The following AGAP1 variants were observed in gnomAD, a reference collection of about 807,000 sequenced individuals.
AGAP1 encodes the protein ArfGAP with GTPase domain, ankyrin repeat and PH domain 1, also known as arf-GAP with GTPase, ANK repeat and PH domain-containing protein 1.
AGAP1 carries 29 observed loss-of-function variants against 105.3 expected under a neutral mutation model. The observed-to-expected ratio is 0.28, with a 90% confidence interval of 0.21 to 0.38. AGAP1 has a LOEUF of 0.38. Among genes scored for constraint, AGAP1 ranks in the 10% least tolerant of loss-of-function variants. The pLI, the probability that AGAP1 is intolerant of heterozygous loss-of-function variation, is 1.00. For synonymous variants in AGAP1, 509 were observed against 485.9 expected, an observed-to-expected ratio of 1.05 and a Z score of -0.63; for missense variants, 998 against 1,165.1, an observed-to-expected ratio of 0.86 and a Z score of 2.09.
rs541306826 is a variant in AGAP1 at position 235,756,718 on chromosome 2, G to A, written c.673+6230G>A. 2.0e-5 allele frequency among the ~76,000 whole-genome samples: 3 copies of A among 152,266 alleles called. No homozygotes were observed. The South Asian group carries it at 6.2e-4, about 32-fold the overall frequency. ...TACTCCCCGAGCTCCGCCTCCTGTC[G>A]GATCAGCAGCAGCCTTAGATTCTCC... On this transcript the variant is annotated intron_variant, in intron 6 of 17. Transcript: ENST00000304032.
In AGAP1 at chr2:236,089,991, G is replaced by T. The variant is rs1351510662; in HGVS notation, c.2115-30201G>T. 6.6e-6 allele frequency among the ~76,000 whole-genome samples: 1 copy of T among 152,070 alleles called. No individual in the cohort carries two copies. Among genetic ancestry groups the T allele is most frequent in the African/African-American group, 2.4e-5 (1 of 41,394 alleles). On this transcript the variant is annotated intron_variant, in intron 16 of 17. Transcript: ENST00000304032. The surrounding 1 kb of genome is among the most constrained non-coding windows in gnomAD (Gnocchi z 5.6). Reference sequence around the variant, plus strand: ...CCTATTATAAATCAACCTTATGCCTGTACAGCAGCTCCCTGGCTGCAAATG... The same window carrying T: ...CCTATTATAAATCAACCTTATGCCTTTACAGCAGCTCCCTGGCTGCAAATG...
chr2:235,807,561 C>G (rs1017784566), intron 9 of AGAP1, among the ~76,000 whole-genome samples: 8 of 152,242 alleles, frequency 5.3e-5, no homozygotes, highest in African/African-American at 1.9e-4. Flanking sequence ...GGCTGCCCGC[C>G]TGCATATGGA....
chr2:235,582,856 A>G lies in AGAP1; in HGVS notation c.163+88007A>G, dbSNP rs1944979544. Among the ~76,000 whole-genome samples the G allele has an allele frequency of 6.6e-6, 1 of 152,212 alleles. No individual in the cohort carries two copies. Among genetic ancestry groups the G allele is most frequent in the Admixed American group, 6.5e-5 (1 of 15,286 alleles). ...GTGCTTTCTAGCACTGACCGACTCC[A>G]GGAGGCAGCACTGGCAAGGATTTTG... On this transcript the variant is annotated intron_variant, in intron 1 of 17. Transcript: ENST00000304032. The surrounding 1 kb of genome is among the most constrained non-coding windows in gnomAD (Gnocchi z 4.7).
At chr2:235,638,522 A>G (rs1947086306) in intron 1 of AGAP1, among the ~76,000 whole-genome samples, 1 of 152,258 alleles carries the variant, frequency 6.6e-6, no homozygotes, top group Admixed American at 6.5e-5. Flanking sequence ...TAAGTTAAAA[A>G]CAAGTTATAA....
intron 1 of AGAP1, among the ~76,000 whole-genome samples, chr2:235,528,007 C>G (rs755826744): frequency 2.6e-5 from 4 of 152,154 alleles, no homozygotes; most frequent in African/African-American, 4.8e-5. Flanking sequence ...ATGTAAGTCG[C>G]TTCTCAGTTT....
Position 235,788,455 on chromosome 2 carries a change from C to T in AGAP1, c.674-9304C>T, listed in dbSNP as rs1180406473. On this transcript the variant is annotated intron_variant, in intron 6 of 17. Transcript: ENST00000304032. The surrounding 1 kb of genome is among the most constrained non-coding windows in gnomAD (Gnocchi z 6.0). Reference sequence around the variant, plus strand: ...AAACTGGAGAAGGCATGGATGAGAGCAATGCTGAGGGAAGGTGAGGCAGGG... The same window carrying T: ...AAACTGGAGAAGGCATGGATGAGAGTAATGCTGAGGGAAGGTGAGGCAGGG... Among the ~76,000 whole-genome samples, 2 of 150,744 alleles carry T rather than the reference C, an allele frequency of 1.3e-5. No individual in the cohort carries two copies. The highest frequency in any genetic ancestry group is 2.9e-5 in the Non-Finnish European group (2 of 67,874).
chr2:235,919,086 G>A lies in AGAP1; in HGVS notation c.1324+10180G>A, dbSNP rs1010753032. Among the ~76,000 whole-genome samples the A allele has an allele frequency of 6.6e-6, 1 of 152,148 alleles. No individual in the cohort carries two copies. ...TTTCAGCTGCTGAACTGATGCTTCC[G>A]AGACCAGCGAAGTGGTCTGCAGGGT... On this transcript the variant is annotated intron_variant, in intron 11 of 17. Transcript: ENST00000304032. The surrounding 1 kb of genome is among the most constrained non-coding windows in gnomAD (Gnocchi z 4.1).
chr2:235,573,047 T>TC lies in AGAP1; in HGVS notation c.163+78199dup, dbSNP rs1559258956. ...TTCTTCTTCTTCTTCTTCTTCTTCT[T>TC]CTTCTTCTTCTTCTTTCTTCTTTCT... On this transcript the variant is annotated intron_variant, in intron 1 of 17. Coordinates refer to ENST00000304032, the MANE Select transcript of AGAP1 (RefSeq NM_001037131.3). Among the ~76,000 whole-genome samples the TC allele has an allele frequency of 0.023, 507 of 22,342 alleles. 106 individuals are homozygous for TC. The East Asian group carries it at 0.24, about 11-fold the overall frequency. The allele number at this position is 22,342 out of a possible 152,430, so 14.7% of individuals were successfully genotyped here. A position where few individuals can be genotyped will look rare whatever the true frequency, so the allele number is the denominator to read the frequency against.
Position 235,936,313 on chromosome 2 carries a change from G to A in AGAP1, c.1483+5390G>A, listed in dbSNP as rs1367935158. Among the ~76,000 whole-genome samples, 3 of 152,122 alleles carry A rather than the reference G, an allele frequency of 2.0e-5. No homozygotes were observed. The highest frequency in any genetic ancestry group is 4.4e-5 in the Non-Finnish European group (3 of 68,022). On this transcript the variant is annotated intron_variant, in intron 12 of 17. Transcript: ENST00000304032. This position sits in a 1 kb window ranked among gnomAD's most constrained non-coding sequence, Gnocchi z 4.7. Reference sequence around the variant, plus strand: ...AGTGTATCACATGTGTGTGTGTACGGGTGTATGCTCTGGTCCCTGTTTCCT... The same window carrying A: ...AGTGTATCACATGTGTGTGTGTACGAGTGTATGCTCTGGTCCCTGTTTCCT...
chr2:235,678,184 C>T (rs35811793), intron 1 of AGAP1, among the ~76,000 whole-genome samples: 30,521 of 151,944 alleles, frequency 0.2, 3,365 homozygotes, highest in Admixed American at 0.34. Flanking sequence ...GCTATTTCAG[C>T]TGCCAAACTA....
At chr2:236,102,782 G>T (rs1468423698) in intron 16 of AGAP1, among the ~76,000 whole-genome samples, 1 of 152,070 alleles carries the variant, frequency 6.6e-6, no homozygotes, top group African/African-American at 2.4e-5. Flanking sequence ...GTGTTTTGTT[G>T]TGTTGTTTTA....
At chr2:236,039,420 A>G (rs2057480954) in intron 14 of AGAP1, among the ~76,000 whole-genome samples, 1 of 152,138 alleles carries the variant, frequency 6.6e-6, no homozygotes, top group Non-Finnish European at 1.5e-5. Flanking sequence ...AGCCTGGGCA[A>G]CAGAGCAAGA....
chr2:235,597,537 A>G (rs1305141443), intron 1 of AGAP1, among the ~76,000 whole-genome samples: 3 of 152,190 alleles, frequency 2.0e-5, no homozygotes, highest in Non-Finnish European at 4.4e-5. Flanking sequence ...AACTGTCCAG[A>G]CTGCTTGTAA....
At chr2:236,016,586 G>A (rs1289687401) in intron 13 of AGAP1, among the ~76,000 whole-genome samples, 1 of 152,162 alleles carries the variant, frequency 6.6e-6, no homozygotes, top group Non-Finnish European at 1.5e-5. Flanking sequence ...AGACACTGGT[G>A]GGTGACACGG....
In AGAP1 at chr2:235,959,713, G is replaced by A. The variant is rs369501494; in HGVS notation, c.1484-8749G>A. Among the ~76,000 whole-genome samples, 299 of 152,252 alleles carry A rather than the reference G, an allele frequency of 2.0e-3. 1 individual carries two copies. Among genetic ancestry groups the A allele is most frequent in the African/African-American group, 6.8e-3 (282 of 41,540 alleles). On this transcript the variant is annotated intron_variant, in intron 12 of 17. Transcript: ENST00000304032. The surrounding 1 kb of genome is among the most constrained non-coding windows in gnomAD (Gnocchi z 7.3). ...AGCACCATGATGGCCACTCCCTCGT[G>A]TAGCCGGTTCCCCTGCTGCTGCAGC... is the stretch of plus-strand genomic sequence containing the variant.
At chr2:235,584,671 G>A (rs1945044540) in intron 1 of AGAP1, among the ~76,000 whole-genome samples, 1 of 151,664 alleles carries the variant, frequency 6.6e-6, no homozygotes, top group Non-Finnish European at 1.5e-5. Context: ...TTGAACTTCT[G>A]GCTTCCAGAA....
chr2:235,922,138 G>T (rs1361966631), intron 11 of AGAP1, among the ~76,000 whole-genome samples: 3 of 152,186 alleles, frequency 2.0e-5, no homozygotes, highest in Non-Finnish European at 4.4e-5. Context: ...CAAGGTAGCC[G>T]CTCACGCTGA....
rs1264723076 is a variant in AGAP1 at position 235,609,785 on chromosome 2, A to G, written c.164-99394A>G. ...CACTTTCACTCCCAACTCACAGGCC[A>G]GAAAGTGTAGTGGGAGGCTGTGGGC... On this transcript the variant is annotated intron_variant, in intron 1 of 17. Transcript: ENST00000304032. The surrounding 1 kb of genome is among the most constrained non-coding windows in gnomAD (Gnocchi z 5.1). 6.6e-6 allele frequency among the ~76,000 whole-genome samples: 1 copy of G among 152,066 alleles called. No individual in the cohort carries two copies. Among genetic ancestry groups the G allele is most frequent in the Non-Finnish European group, 1.5e-5 (1 of 68,026 alleles).
intron 1 of AGAP1, among the ~76,000 whole-genome samples, chr2:235,702,934 G>GTTTTTTTTGTTTTTTTTTTTT (rs1950326916): frequency 1.1e-5 from 1 of 88,946 alleles, no homozygotes; most frequent in Non-Finnish European, 2.2e-5. Flanking sequence ...AGTTTTCTTG[G>GTTTTTTTTGTTTTTTTTTTTT]TTTTTTTTTT....
Sources: gnomAD v4.1 joint callset for allele counts (sites outside exome capture counted in the v4.1 genomes callset) on GRCh38, gnomAD v4.1.1 for gene constraint, Gnocchi (gnomAD v3.1) non-coding constraint, MANE v1.5 for transcripts, NCBI Gene and HGNC (gene_info 2026-07-23, HGNC 2026-07-21) for gene names.